The following POU6F2 variants were observed in gnomAD, a reference collection of about 807,000 sequenced individuals.
The protein encoded by POU6F2 is POU domain, class 6, transcription factor 2.
In POU6F2, 31 loss-of-function variants were observed where a neutral mutation model predicts 71.3. The ratio of observed to expected loss-of-function variants is 0.43; its 90% CI spans 0.33 to 0.59. The LOEUF is 0.59. Among genes scored for constraint, POU6F2 ranks in the 20% least tolerant of loss-of-function variants. The pLI is 0.04. For synonymous variants in POU6F2, 347 were observed against 355.7 expected, an observed-to-expected ratio of 0.98 and a Z score of 0.27; for missense variants, 783 against 856.8, an observed-to-expected ratio of 0.91 and a Z score of 1.07.
At chr7:39,212,635 A>G (rs977910509) in intron 4 of POU6F2, among the ~76,000 whole-genome samples, 2 of 152,088 alleles carry the variant, frequency 1.3e-5, no homozygotes, top group Non-Finnish European at 2.9e-5. Flanking sequence ...TTGGCCTCTG[A>G]TGACTGTAAG....
intron 2 of POU6F2, among the ~76,000 whole-genome samples, chr7:39,153,023 T>C (rs901894588): frequency 3.9e-5 from 6 of 152,202 alleles, no homozygotes; most frequent in Non-Finnish European, 8.8e-5. Flanking sequence ...TTACGCTTAC[T>C]CAAGTGAGGT....
chr7:39,454,574 G>T (rs1351436912), intron 8 of POU6F2, among the ~76,000 whole-genome samples: 1 of 147,354 alleles, frequency 6.8e-6, no homozygotes, highest in Admixed American at 6.9e-5. Flanking sequence ...TAGAACAGAA[G>T]ATGCTCCTAG....
At chr7:39,144,124 T>C (rs1175277278) in intron 2 of POU6F2, among the ~76,000 whole-genome samples, 2 of 152,200 alleles carry the variant, frequency 1.3e-5, no homozygotes, top group African/African-American at 2.4e-5. Flanking sequence ...GAATACGAAA[T>C]TGAACACAAC....
chr7:39,340,130 A>T, intron 5 of POU6F2, 115 bp downstream of exon 5: 1 of 1,354,290 alleles, frequency 7.4e-7, no homozygotes, highest in Non-Finnish European at 9.8e-7. Flanking sequence ...GTTCTGCAGC[A>T]TCTAATTCAA....
Position 39,260,995 on chromosome 7 carries a change from A to G in POU6F2, c.598+53375A>G, listed in dbSNP as rs576426372. 1.0e-3 allele frequency among the ~76,000 whole-genome samples: 157 copies of G among 151,454 alleles called. No homozygotes were observed. The Middle Eastern group carries it at 0.014, about 13-fold the overall frequency. On this transcript the variant is annotated intron_variant, in intron 4 of 9. Transcript: ENST00000518318. ...CCACCATTCATATCACACACACATC[A>G]CAGCACAGCACATGTATCACACATA...
intron 1 of POU6F2, among the ~76,000 whole-genome samples, chr7:39,020,086 C>CA (rs1172995257): frequency 6.6e-6 from 1 of 152,098 alleles, no homozygotes; most frequent in East Asian, 1.9e-4. Context: ...AGCAAGTGAG[C>CA]AGGTTGGGTG....
chr7:39,463,523 G>T (rs1025093298), intron 9 of POU6F2, among the ~76,000 whole-genome samples: 3 of 152,076 alleles, frequency 2.0e-5, no homozygotes, highest in Non-Finnish European at 4.4e-5. Context: ...AAGTAGCAAT[G>T]GGTAATGTTT....
rs73365568 is a variant in POU6F2, at chr7:39,165,282, G to A, written c.278-38953G>A. Among the ~76,000 whole-genome samples the A allele has an allele frequency of 7.8e-3, 1,186 of 152,186 alleles. 15 individuals carry two copies. The highest frequency in any genetic ancestry group is 0.027 in the African/African-American group (1,131 of 41,516). On this transcript the variant is annotated intron_variant, in intron 2 of 9. Coordinates refer to ENST00000518318, the MANE Select transcript of POU6F2 (RefSeq NM_001370959.1). Reference sequence around the variant, plus strand: ...TTAAGCCAGGCTGTGGCTACCCAACGTTGCTTACTCTTTGTCCTCAGTCTC... The same window carrying A: ...TTAAGCCAGGCTGTGGCTACCCAACATTGCTTACTCTTTGTCCTCAGTCTC...
Position 38,999,603 on chromosome 7 carries a change from T to G in POU6F2, c.105+21545T>G, listed in dbSNP as rs577344765. On this transcript the variant is annotated intron_variant, in intron 1 of 9. Transcript: ENST00000518318. Reference sequence around the variant, plus strand: ...TAAAATAAGCCCTTGCTAGCCATCCTTGTCTATGCAGAGGTGACAACTGTA... The same window carrying G: ...TAAAATAAGCCCTTGCTAGCCATCCGTGTCTATGCAGAGGTGACAACTGTA... Among the ~76,000 whole-genome samples, 4 of 152,330 alleles carry G rather than the reference T, an allele frequency of 2.6e-5. No individual in the cohort carries two copies. The East Asian group carries it at 5.8e-4, about 22-fold the overall frequency.
intron 2 of POU6F2, among the ~76,000 whole-genome samples, chr7:39,114,884 GCAGA>G (rs1435349901): frequency 6.6e-6 from 1 of 152,128 alleles, no homozygotes; most frequent in African/African-American, 2.4e-5. Context: ...GAGTACACAT[GCAGA>G]CAGATAGGTG....
In POU6F2 at chr7:39,468,476, A is replaced by C. The variant is rs1181256643; in HGVS notation, c.*3790A>C. ...GGTTGCTTAATATTTAAAAAAAAAA[A>C]AAACTGTACTTAATCTAGAGCAATA... On this transcript the variant is annotated 3_prime_UTR_variant, in exon 10 of 10. Coordinates refer to ENST00000518318, the MANE Select transcript of POU6F2 (RefSeq NM_001370959.1). 1 of 152,130 alleles carries C rather than the reference A, an allele frequency of 6.6e-6. No individual in the cohort carries two copies. Among genetic ancestry groups the C allele is most frequent in the Non-Finnish European group, 1.5e-5 (1 of 68,008 alleles). 9.4% of individuals were successfully genotyped at this position (152,130 alleles called of 1,614,324 possible). A position where few individuals can be genotyped will look rare whatever the true frequency, so the allele number is the denominator to read the frequency against.
At chr7:39,434,216 A>G (rs2116036819) in intron 7 of POU6F2, among the ~76,000 whole-genome samples, 1 of 152,278 alleles carries the variant, frequency 6.6e-6, no homozygotes, top group South Asian at 2.1e-4. Context: ...AGCAGGCACA[A>G]AGGCAGGGAA....
At chr7:39,283,734 T>G (rs1055528226) in intron 4 of POU6F2, among the ~76,000 whole-genome samples, 9 of 152,218 alleles carry the variant, frequency 5.9e-5, no homozygotes, top group African/African-American at 1.9e-4. Flanking sequence ...TAAGCTTACT[T>G]TATTTTAACT....
chr7:39,002,517 T>A (rs749645509), intron 1 of POU6F2, among the ~76,000 whole-genome samples: 1 of 152,172 alleles, frequency 6.6e-6, no homozygotes, highest in Non-Finnish European at 1.5e-5. Flanking sequence ...CTGGCTAATT[T>A]TTATATTTTT....
intron 4 of POU6F2, among the ~76,000 whole-genome samples, chr7:39,248,599 G>A (rs936218171): frequency 6.6e-6 from 1 of 152,078 alleles, no homozygotes; most frequent in Admixed American, 6.5e-5. Flanking sequence ...AAATTCTTAG[G>A]TGGGTAATTT....
chr7:39,224,308 C>T (rs922643637), intron 4 of POU6F2, among the ~76,000 whole-genome samples: 1 of 151,508 alleles, frequency 6.6e-6, no homozygotes, highest in African/African-American at 2.4e-5. Context: ...TTTCCAACTG[C>T]GAAAGCCTGG....
At chr7:39,374,737 T>C (rs2115767588) in intron 5 of POU6F2, among the ~76,000 whole-genome samples, 1 of 152,306 alleles carries the variant, frequency 6.6e-6, no homozygotes, top group Middle Eastern at 3.4e-3. Flanking sequence ...GCATTTCTAA[T>C]GGCATTTTGA....
intron 1 of POU6F2, among the ~76,000 whole-genome samples, chr7:39,039,890 T>C (rs1790147329): frequency 1.4e-5 from 2 of 147,820 alleles, no homozygotes; most frequent in East Asian, 4.1e-4. Flanking sequence ...GGATTAGGTA[T>C]AGAGCTTGAT....
chr7:39,205,313 ATG>A (rs1339688861), intron 3 of POU6F2, among the ~76,000 whole-genome samples: 2 of 152,030 alleles, frequency 1.3e-5, no homozygotes. Flanking sequence ...TCATGTAATT[ATG>A]TGTGTCTGTG....
Sources: gnomAD v4.1 joint callset for allele counts (sites outside exome capture counted in the v4.1 genomes callset) on GRCh38, gnomAD v4.1.1 for gene constraint, MANE v1.5 for transcripts, NCBI Gene and HGNC (gene_info 2026-07-23, HGNC 2026-07-21) for gene names.